SRGAP1: variants seen among roughly 807,000 people sequenced by gnomAD.
SRGAP1 encodes the protein SLIT-ROBO Rho GTPase activating protein 1, also known as SLIT-ROBO Rho GTPase-activating protein 1.
A neutral mutation model predicts 121.9 loss-of-function variants in SRGAP1; 43 were observed. The observed-to-expected ratio is 0.35, with a 90% CI of 0.28 to 0.46. The LOEUF is 0.46. SRGAP1 is among the 20% of genes least tolerant of loss of function. The pLI is 1.00. For missense variants in SRGAP1, 1,102 were observed against 1,350.9 expected (o/e 0.82, Z 2.89); for synonymous variants, 447 against 485.4 (o/e 0.92, Z 1.04).
chr12:64,058,438 G>A (rs2035384599), intron 6 of SRGAP1, among the ~76,000 whole-genome samples: 1 of 152,130 alleles, frequency 6.6e-6, no homozygotes, highest in Non-Finnish European at 1.5e-5. Flanking sequence ...TTTTGCCTAA[G>A]AAAATTAGCC....
intron 3 of SRGAP1, among the ~76,000 whole-genome samples, chr12:63,995,817 C>G (rs996431340): frequency 2.0e-5 from 3 of 151,710 alleles, no homozygotes; most frequent in Non-Finnish European, 2.9e-5. Flanking sequence ...TAGTAAGATT[C>G]ATACTTATTT....
chr12:63,870,533 A>ATTTT (rs1216674448), intron 1 of SRGAP1, among the ~76,000 whole-genome samples: 25 of 100,802 alleles, frequency 2.5e-4, no homozygotes, highest in Non-Finnish European at 3.7e-4. Context: ...CCCTATCTTG[A>ATTTT]TTTTTTTTTT....
At chr12:64,108,792 T>G (rs928621950) in intron 15 of SRGAP1, 140 bp from the exon 16 acceptor site, 3 of 469,044 alleles carry the variant, frequency 6.4e-6, no homozygotes, top group South Asian at 1.4e-4. Context: ...ATTTATTCGC[T>G]GTTTTGGTTA....
At chr12:64,084,542 G>C (rs1374438494) in intron 10 of SRGAP1, among the ~76,000 whole-genome samples, 1 of 151,996 alleles carries the variant, frequency 6.6e-6, no homozygotes, top group African/African-American at 2.4e-5. Flanking sequence ...GACACACTCA[G>C]GACTATTAGC....
At chr12:64,069,168 T>G (rs12316121) in intron 8 of SRGAP1, among the ~76,000 whole-genome samples, 19,299 of 152,198 alleles carry the variant, frequency 0.13, 1,494 homozygotes, top group South Asian at 0.32. Flanking sequence ...TGCTTCCTGT[T>G]TGCCATGTTC....
In SRGAP1 at chr12:64,128,144, G is replaced by T; in HGVS notation, c.2824G>T (p.Gly942Trp). 1 of 1,614,128 alleles carries T rather than the reference G, an allele frequency of 6.2e-7. No individual in the cohort carries two copies. Among genetic ancestry groups the T allele is most frequent in the South Asian group, 1.1e-5 (1 of 91,076 alleles). Residue 942 changes from glycine (G) to tryptophan (W), a missense_variant, in exon 21 of 22, where the codon GGG becomes TGG. Coordinates refer to ENST00000355086, the MANE Select transcript of SRGAP1 (RefSeq NM_020762.4). The part of the protein sequence containing the change: ...SPPIRRSTSS[G>W]QYTGFNDHKP... ...TCCCATTAGAAGGTCCACGTCATCA[G>T]GGCAATACACGGGCTTCAATGACCA...
At chr12:64,003,685 G>A (rs2033986168) in intron 3 of SRGAP1, among the ~76,000 whole-genome samples, 1 of 151,988 alleles carries the variant, frequency 6.6e-6, no homozygotes, top group Non-Finnish European at 1.5e-5. Context: ...AAAATGAACA[G>A]AGCCTCAGGG....
intron 1 of SRGAP1, among the ~76,000 whole-genome samples, chr12:63,933,227 T>TATA (rs911129538): frequency 1.9e-4 from 29 of 151,576 alleles, no homozygotes; most frequent in Admixed American, 3.3e-4. Context: ...AAACTTTAAG[T>TATA]ATAATAATAA....
chr12:64,020,950 A>C, intron 4 of SRGAP1, among the ~76,000 whole-genome samples: 2 of 150,736 alleles, frequency 1.3e-5, no homozygotes, highest in African/African-American at 2.4e-5. Flanking sequence ...TGTCTCACAA[A>C]AAAAAAAAAA....
At chr12:63,883,663 C>CTT (rs144792182) in intron 1 of SRGAP1, among the ~76,000 whole-genome samples, 164 of 142,456 alleles carry the variant, frequency 1.2e-3, no homozygotes, top group African/African-American at 2.9e-3. Context: ...TTTCTTTTTT[C>CTT]TTTTTTTTTT....
intron 1 of SRGAP1, among the ~76,000 whole-genome samples, chr12:63,931,051 GA>G (rs1224336100): frequency 2.0e-5 from 3 of 152,012 alleles, no homozygotes; most frequent in African/African-American, 2.4e-5. Context: ...TTTTAAGTGA[GA>G]AAAAATCCAG....
In SRGAP1 at chr12:64,091,291, C is replaced by T; in HGVS notation, c.1452C>T (p.Pro484=). The T allele has an allele frequency of 1.9e-6, 3 of 1,607,784 alleles. No individual in the cohort carries two copies. Among genetic ancestry groups the T allele is most frequent in the Non-Finnish European group, 2.6e-6 (3 of 1,176,310 alleles). Residue 484 remains proline, a synonymous_variant, in exon 12 of 22, where the codon CCC becomes CCT. Coordinates refer to ENST00000355086, the MANE Select transcript of SRGAP1 (RefSeq NM_020762.4). Reference sequence around the variant, plus strand: ...CTTCCCTTAGGCCTCCAAATGTTCCCCCTAAGCCCCAGAAACACAGGAAGT... The same window carrying T: ...CTTCCCTTAGGCCTCCAAATGTTCCTCCTAAGCCCCAGAAACACAGGAAGT... ...EYMTTRPPNV[P]PKPQKHRKSR...
chr12:64,043,845 G>A lies in SRGAP1; in HGVS notation c.801+270G>A, dbSNP rs539039909. ...AGCCTGGTAAACTTAGCTAAGACAG[G>A]GCCCAGTCATTTGCAAGTTATGCAG... is the stretch of plus-strand genomic sequence containing the variant. On this transcript the variant is annotated intron_variant, in intron 6 of 21. Transcript: ENST00000355086. Among the ~76,000 whole-genome samples, 9 of 152,164 alleles carry A rather than the reference G, an allele frequency of 5.9e-5. 1 individual carries two copies. In the South Asian group the frequency reaches 1.9e-3, roughly 32 times the overall value.
intron 1 of SRGAP1, among the ~76,000 whole-genome samples, chr12:63,920,644 C>A (rs2031004094): frequency 6.6e-6 from 1 of 152,110 alleles, no homozygotes; most frequent in Non-Finnish European, 1.5e-5. Flanking sequence ...GTTGGATATG[C>A]AGAAGTTAAG....
At chr12:64,055,339 C>A (rs2035320143) in intron 6 of SRGAP1, among the ~76,000 whole-genome samples, 1 of 146,276 alleles carries the variant, frequency 6.8e-6, no homozygotes, top group Admixed American at 6.9e-5. Flanking sequence ...AACCACTGCT[C>A]AAGGAAATAA....
At chr12:63,858,183 GGT>G (rs34390447) in intron 1 of SRGAP1, among the ~76,000 whole-genome samples, 40,992 of 149,236 alleles carry the variant, frequency 0.27, 6,426 homozygotes, top group East Asian at 0.54. Flanking sequence ...TTTTGTGTGT[GGT>G]GTGTGTGTGT....
intron 21 of SRGAP1, among the ~76,000 whole-genome samples, chr12:64,141,371 G>A (rs1248459296): frequency 6.6e-6 from 1 of 151,764 alleles, no homozygotes; most frequent in African/African-American, 2.4e-5. Context: ...CATGAGGTCA[G>A]GAGTTCGAGA....
chr12:64,075,311 G>T (rs939585866), intron 8 of SRGAP1, among the ~76,000 whole-genome samples: 1 of 152,238 alleles, frequency 6.6e-6, no homozygotes, highest in Non-Finnish European at 1.5e-5. Flanking sequence ...GGCACAGATC[G>T]CTCATGCTAT....
Position 63,959,142 on chromosome 12 carries a change from G to A in SRGAP1, c.68-24805G>A, listed in dbSNP as rs369278297. ...TGGGGCAATCTGTTTAACTTCATCC[G>A]TGCCAGAAAACCAGATACCATCTAC... On this transcript the variant is annotated intron_variant, in intron 1 of 21. Transcript: ENST00000355086. Among the ~76,000 whole-genome samples the A allele has an allele frequency of 5.9e-5, 9 of 152,198 alleles. No individual in the cohort carries two copies. In the South Asian group the frequency reaches 6.2e-4, roughly 11 times the overall value.
Sources: allele counts gnomAD v4.1 joint callset (sites outside exome capture counted in the v4.1 genomes callset), GRCh38; gene constraint gnomAD v4.1.1; transcripts MANE v1.5; gene names NCBI Gene and HGNC (gene_info 2026-07-23, HGNC 2026-07-21).